Variants in SLC24A2 observed in about 807,000 individuals in gnomAD.
SLC24A2 encodes solute carrier family 24 member 2, also known as sodium/potassium/calcium exchanger 2.
Under a neutral mutation model 62.0 loss-of-function variants are expected in SLC24A2, and 36 were observed. The ratio of observed to expected loss-of-function variants is 0.58; its 90% CI spans 0.44 to 0.77. SLC24A2 has a LOEUF of 0.77. SLC24A2 is among the 30% of genes least tolerant of loss of function. The pLI is 0.00. For synonymous variants in SLC24A2, 358 were observed against 294.0 expected (o/e 1.22, Z -2.23); for missense variants, 846 against 817.9 (o/e 1.03, Z -0.42).
chr9:19,549,108 C>T (rs375732351), intron 8 of SLC24A2, among the ~76,000 whole-genome samples: 8 of 152,108 alleles, frequency 5.3e-5, no homozygotes, highest in East Asian at 3.9e-4. Flanking sequence ...TTGTTGCGTT[C>T]GGAGCACCCA....
intron 9 of SLC24A2, among the ~76,000 whole-genome samples, chr9:19,525,902 T>C (rs1026099658): frequency 3.9e-5 from 6 of 151,938 alleles, no homozygotes; most frequent in Non-Finnish European, 7.4e-5. Flanking sequence ...AATTCAATGG[T>C]TTTTAATGTA....
At chr9:20,167,327 AG>A in the SLC24A2 span, among the ~76,000 whole-genome samples, 1 of 151,932 alleles carries the variant, frequency 6.6e-6, no homozygotes, top group Non-Finnish European at 1.5e-5. Flanking sequence ...TGTGTCTTTT[AG>A]GTTTGAGAAA....
At chr9:19,708,913 A>C (rs1378866452) in intron 2 of SLC24A2, among the ~76,000 whole-genome samples, 49 of 152,278 alleles carry the variant, frequency 3.2e-4, no homozygotes, top group Admixed American at 2.6e-3. Context: ...AATGGGATCT[A>C]ATTAAACTAA....
At chr9:20,213,519 TCACA>T in the SLC24A2 span, among the ~76,000 whole-genome samples, 4 of 152,118 alleles carry the variant, frequency 2.6e-5, no homozygotes, top group Non-Finnish European at 4.4e-5. Context: ...AAATGTATAT[TCACA>T]CATAAAATAA....
the SLC24A2 span, among the ~76,000 whole-genome samples, chr9:19,873,043 T>C: frequency 6.7e-6 from 1 of 149,558 alleles, no homozygotes. Context: ...ATAAGCATAA[T>C]CATTAAAAAT....
chr9:19,705,836 G>A (rs1020427269), intron 2 of SLC24A2, among the ~76,000 whole-genome samples: 26 of 152,154 alleles, frequency 1.7e-4, no homozygotes, highest in South Asian at 6.2e-4. Context: ...ATTTGCTGAG[G>A]AGAGCTTTAC....
chr9:20,227,867 C>A, the SLC24A2 span, among the ~76,000 whole-genome samples: 1 of 152,142 alleles, frequency 6.6e-6, no homozygotes, highest in Non-Finnish European at 1.5e-5. Flanking sequence ...GTCTGAAATA[C>A]ATATTTTCTT....
chr9:19,898,268 C>T, the SLC24A2 span, among the ~76,000 whole-genome samples: 8 of 152,166 alleles, frequency 5.3e-5, no homozygotes, highest in African/African-American at 1.4e-4. Context: ...AGCTCTGCAG[C>T]CAGGTATGTG....
the SLC24A2 span, among the ~76,000 whole-genome samples, chr9:20,297,994 C>T: frequency 1.3e-5 from 2 of 152,190 alleles, no homozygotes; most frequent in Non-Finnish European, 2.9e-5. Flanking sequence ...CATGCTCCCA[C>T]TCCAAGCACT....
chr9:19,860,400 C>G, the SLC24A2 span, among the ~76,000 whole-genome samples: 1 of 152,126 alleles, frequency 6.6e-6, no homozygotes, highest in African/African-American at 2.4e-5. Context: ...GATTAATCAC[C>G]TAACTGAAGA....
intron 5 of SLC24A2, among the ~76,000 whole-genome samples, chr9:19,588,687 G>A (rs150646246): frequency 1.6e-4 from 25 of 152,284 alleles, no homozygotes; most frequent in African/African-American, 3.1e-4. Flanking sequence ...GAGGCCCCGC[G>A]TGGTGGCTCA....
the SLC24A2 span, among the ~76,000 whole-genome samples, chr9:19,835,085 T>C: frequency 6.6e-6 from 1 of 152,046 alleles, no homozygotes; most frequent in Admixed American, 6.5e-5. Context: ...GCACTAAACA[T>C]GGAAAGGAAC....
At chr9:20,009,279 G>C in the SLC24A2 span, among the ~76,000 whole-genome samples, 1 of 151,778 alleles carries the variant, frequency 6.6e-6, no homozygotes, top group Non-Finnish European at 1.5e-5. Context: ...TAGCTACTCT[G>C]GAGGCTGAGG....
the SLC24A2 span, among the ~76,000 whole-genome samples, chr9:20,181,858 A>G: frequency 6.6e-6 from 1 of 152,220 alleles, no homozygotes; most frequent in South Asian, 2.1e-4. Context: ...AACCTATAGA[A>G]TGGGAGAAAA....
chr9:19,779,289 G>A (rs1351563197), intron 2 of SLC24A2, among the ~76,000 whole-genome samples: 1 of 152,150 alleles, frequency 6.6e-6, no homozygotes, highest in Admixed American at 6.5e-5. Flanking sequence ...ATACCTAAAT[G>A]AGAAAATCAC....
chr9:20,160,525 T>C, the SLC24A2 span, among the ~76,000 whole-genome samples: 2 of 151,394 alleles, frequency 1.3e-5, no homozygotes, highest in African/African-American at 2.4e-5. Flanking sequence ...CAAAAATTGA[T>C]ATGGTAGTTT....
At chr9:19,520,234 T>C (rs1380585008) in intron 10 of SLC24A2, among the ~76,000 whole-genome samples, 1 of 152,232 alleles carries the variant, frequency 6.6e-6, no homozygotes, top group African/African-American at 2.4e-5. Flanking sequence ...GGTACTGATG[T>C]TAAGTTTATT....
At chr9:20,257,051 A>G in the SLC24A2 span, among the ~76,000 whole-genome samples, 1 of 152,266 alleles carries the variant, frequency 6.6e-6, no homozygotes, top group Non-Finnish European at 1.5e-5. Flanking sequence ...ATCATTTCAG[A>G]GAATCAGAGA....
the SLC24A2 span, among the ~76,000 whole-genome samples, chr9:20,120,861 A>G: frequency 6.6e-6 from 1 of 151,964 alleles, no homozygotes; most frequent in South Asian, 2.1e-4. Flanking sequence ...ATTGACCCAG[A>G]TCCATTTATG....
Sources: allele counts gnomAD v4.1 joint callset (sites outside exome capture counted in the v4.1 genomes callset), GRCh38; gene constraint gnomAD v4.1.1; transcripts MANE v1.5; gene names NCBI Gene and HGNC (gene_info 2026-07-23, HGNC 2026-07-21).